The following TCF12 variants were observed in gnomAD, a reference collection of about 807,000 sequenced individuals.
TCF12 encodes DNA-binding protein HTF4.
Under a neutral mutation model 86.0 loss-of-function variants are expected in TCF12, and 45 were observed. The ratio of observed to expected loss-of-function variants is 0.52; its 90% CI spans 0.41 to 0.67. The LOEUF (loss-of-function observed/expected upper bound fraction) is 0.67. TCF12 is among the 30% of genes least tolerant of loss of function. TCF12 has a pLI of 0.00. For missense variants in TCF12, 881 were observed against 859.9 expected (o/e 1.02, Z -0.31); for synonymous variants, 330 against 299.6 (o/e 1.10, Z -1.05).
At position 57,253,425 on chromosome 15, in the gene TCF12, A is replaced by G. The variant is rs776455318; in HGVS notation, c.1424A>G (p.Tyr475Cys). Residue 475 changes from tyrosine (Y) to cysteine (C), a missense_variant, in exon 16 of 21, where the codon TAT becomes TGT. Coordinates refer to ENST00000333725, the MANE Select transcript of TCF12 (RefSeq NM_207037.2). ...NAPIGSLNSN[Y>C]GGSSLVASSR... is the part of the protein sequence containing the mutation. The stretch of plus-strand genomic sequence containing the variant: ...CCAATTGGAAGCCTCAATTCAAACT[A>G]TGGAGGATCAAGCCTTGTTGCAAGC... The G allele has an allele frequency of 3.7e-6, 6 of 1,614,110 alleles. No homozygotes were observed. Among genetic ancestry groups the G allele is most frequent in the Admixed American group, 3.3e-5 (2 of 60,008 alleles).
At chr15:57,143,938 G>C (rs2151421890) in intron 5 of TCF12, among the ~76,000 whole-genome samples, 1 of 152,100 alleles carries the variant, frequency 6.6e-6, no homozygotes, top group Admixed American at 6.5e-5. Flanking sequence ...TCCTGGGGAG[G>C]GTTTTTTTGA....
intron 19 of TCF12, chr15:57,282,106 T>A: frequency 3.0e-6 from 1 of 335,970 alleles, no homozygotes; most frequent in Non-Finnish European, 5.6e-6. Flanking sequence ...CAATTCAGTG[T>A]ACCGTGTCTT....
At chr15:56,928,488 A>G (rs57344548) in intron 3 of TCF12, among the ~76,000 whole-genome samples, 8,450 of 152,208 alleles carry the variant, frequency 0.056, 540 homozygotes, top group African/African-American at 0.15. Flanking sequence ...TGGTGTTGGA[A>G]GTGAGGCAAT....
intron 8 of TCF12, among the ~76,000 whole-genome samples, chr15:57,226,356 A>G (rs1213151405): frequency 6.6e-6 from 1 of 152,102 alleles, no homozygotes; most frequent in Non-Finnish European, 1.5e-5. Context: ...TTATGATGGC[A>G]GGGCAAGTTA....
chr15:57,033,551 T>A (rs28505122), intron 3 of TCF12, among the ~76,000 whole-genome samples: 37,281 of 151,990 alleles, frequency 0.25, 5,385 homozygotes, highest in East Asian at 0.39. Context: ...ACTTTTTTTT[T>A]AGAGCAATTC....
intron 8 of TCF12, among the ~76,000 whole-genome samples, chr15:57,213,128 G>T (rs1260133127): frequency 6.6e-6 from 1 of 152,178 alleles, no homozygotes; most frequent in Non-Finnish European, 1.5e-5. Context: ...GTCAAGCACT[G>T]CTTGTTTTGC....
intron 3 of TCF12, among the ~76,000 whole-genome samples, chr15:57,021,670 A>G (rs2065492496): frequency 6.6e-6 from 1 of 152,194 alleles, no homozygotes; most frequent in Non-Finnish European, 1.5e-5. Context: ...CCTAACAGAT[A>G]GGAGTTCTTA....
At chr15:57,117,378 A>G (rs1456651675) in intron 5 of TCF12, among the ~76,000 whole-genome samples, 2 of 152,210 alleles carry the variant, frequency 1.3e-5, no homozygotes, top group African/African-American at 4.8e-5. Context: ...GAAAAAAAGG[A>G]TCTTAACATC....
intron 4 of TCF12, among the ~76,000 whole-genome samples, 167 bp from the exon 5 acceptor site, chr15:57,091,617 TAAAAG>T (rs1472339400): frequency 6.6e-6 from 1 of 152,200 alleles, no homozygotes; most frequent in East Asian, 1.9e-4. Flanking sequence ...CTTAAAATCT[TAAAAG>T]GAATAAAAGA....
intron 13 of TCF12, chr15:57,247,714 A>G (rs1253735666): frequency 2.7e-6 from 2 of 736,686 alleles, no homozygotes; most frequent in Admixed American, 1.8e-5. Flanking sequence ...AATCCTCTAT[A>G]GAAAGAGCTC....
chr15:57,001,894 A>G (rs1399070664), intron 3 of TCF12, among the ~76,000 whole-genome samples: 1 of 152,224 alleles, frequency 6.6e-6, no homozygotes, highest in African/African-American at 2.4e-5. Context: ...CCATAGGAGT[A>G]AAAGAGTGAG....
At chr15:57,006,789 G>C (rs1360731174) in intron 3 of TCF12, among the ~76,000 whole-genome samples, 1 of 151,858 alleles carries the variant, frequency 6.6e-6, no homozygotes, top group East Asian at 1.9e-4. Context: ...GGTGGCATGC[G>C]TCTGTGGTCC....
chr15:56,998,969 C>T (rs540696465), intron 3 of TCF12, among the ~76,000 whole-genome samples: 69 of 152,122 alleles, frequency 4.5e-4, no homozygotes, highest in Non-Finnish European at 8.1e-4. Flanking sequence ...GAGGCCGAGA[C>T]GGGCGGATCA....
intron 6 of TCF12, among the ~76,000 whole-genome samples, chr15:57,189,595 C>T (rs1214225762): frequency 6.6e-6 from 1 of 152,110 alleles, no homozygotes; most frequent in Non-Finnish European, 1.5e-5. Flanking sequence ...AGAAACTAGG[C>T]AAGGATATGG....
chr15:57,278,026 T>C (rs1037000327), intron 19 of TCF12, among the ~76,000 whole-genome samples: 6 of 151,896 alleles, frequency 4.0e-5, no homozygotes, highest in Non-Finnish European at 8.8e-5. Context: ...AGAGACAGGG[T>C]TTCACTGTAT....
At chr15:56,949,183 TG>T (rs1431124391) in intron 3 of TCF12, among the ~76,000 whole-genome samples, 1 of 152,248 alleles carries the variant, frequency 6.6e-6, no homozygotes, top group Non-Finnish European at 1.5e-5. Context: ...TGCATTGACT[TG>T]TTGCATTACT....
chr15:57,114,775 C>A (rs1257871072), intron 5 of TCF12, among the ~76,000 whole-genome samples: 1 of 152,112 alleles, frequency 6.6e-6, no homozygotes. Context: ...CTTGGTTTCA[C>A]AATATAGTTG....
At chr15:57,085,009 A>G (rs1166637509) in intron 4 of TCF12, among the ~76,000 whole-genome samples, 2 of 152,162 alleles carry the variant, frequency 1.3e-5, no homozygotes, top group African/African-American at 4.8e-5. Flanking sequence ...CATCTCATGT[A>G]TCCAGCATAT....
At chr15:57,016,551 A>G (rs564797462) in intron 3 of TCF12, among the ~76,000 whole-genome samples, 3 of 152,296 alleles carry the variant, frequency 2.0e-5, no homozygotes, top group Admixed American at 2.0e-4. Flanking sequence ...TCATAAGGCA[A>G]ATTAAATACA....
Sources: gnomAD v4.1 joint callset for allele counts (sites outside exome capture counted in the v4.1 genomes callset) on GRCh38, gnomAD v4.1.1 for gene constraint, MANE v1.5 for transcripts, NCBI Gene and HGNC (gene_info 2026-07-23, HGNC 2026-07-21) for gene names.